The following OSBPL8 variants were observed in gnomAD, a reference collection of about 807,000 sequenced individuals.
OSBPL8 encodes oxysterol binding protein like 8, also known as oxysterol-binding protein-related protein 8.
A neutral mutation model predicts 125.5 loss-of-function variants in OSBPL8; 59 were observed. That is an observed-to-expected ratio of 0.47 (90% CI 0.38 to 0.58). The LOEUF (loss-of-function observed/expected upper bound fraction) is 0.58, where lower values mean the gene tolerates loss of function less well. Ranked by LOEUF, OSBPL8 falls within the 20% of genes least tolerant of loss-of-function variation. The pLI, the probability that OSBPL8 is intolerant of heterozygous loss-of-function variation, is 0.00. For synonymous variants in OSBPL8, 330 were observed against 338.9 expected, an observed-to-expected ratio of 0.97 and a Z score of 0.29; for missense variants, 758 against 1,047.8, an observed-to-expected ratio of 0.72 and a Z score of 3.82.
chr12:76,554,557 A>C (rs924625938), intron 1 of OSBPL8, among the ~76,000 whole-genome samples: 8 of 152,158 alleles, frequency 5.3e-5, no homozygotes, highest in Non-Finnish European at 4.4e-5. Flanking sequence ...AGGTTTAAAA[A>C]AAAGAAAATA....
intron 1 of OSBPL8, among the ~76,000 whole-genome samples, chr12:76,549,442 G>C (rs931357428): frequency 6.6e-6 from 1 of 152,082 alleles, no homozygotes; most frequent in Non-Finnish European, 1.5e-5. Flanking sequence ...CTTTTGAGAC[G>C]GAGTCTCACC....
intron 5 of OSBPL8, among the ~76,000 whole-genome samples, chr12:76,406,677 G>A (rs1954274856): frequency 6.6e-6 from 1 of 152,184 alleles, no homozygotes; most frequent in Non-Finnish European, 1.5e-5. Flanking sequence ...GTGCAGTGGT[G>A]TGATCACAGC....
At chr12:76,541,493 T>C (rs1169733166) in intron 1 of OSBPL8, among the ~76,000 whole-genome samples, 1 of 148,126 alleles carries the variant, frequency 6.8e-6, no homozygotes, top group Admixed American at 6.7e-5. Flanking sequence ...ATAATAATAA[T>C]AATAATTAAA....
intron 1 of OSBPL8, among the ~76,000 whole-genome samples, chr12:76,543,197 T>C (rs1290678961): frequency 6.6e-6 from 1 of 152,124 alleles, no homozygotes; most frequent in African/African-American, 2.4e-5. Flanking sequence ...GCCGCTTACA[T>C]AGTAACTTGC....
intron 1 of OSBPL8, among the ~76,000 whole-genome samples, chr12:76,532,573 T>C (rs536317488): frequency 2.6e-5 from 4 of 152,132 alleles, no homozygotes; most frequent in African/African-American, 9.7e-5. Flanking sequence ...ACTACGGCAG[T>C]ATTGGATTTT....
At chr12:76,427,613 A>G (rs1320719701) in intron 4 of OSBPL8, among the ~76,000 whole-genome samples, 1 of 152,066 alleles carries the variant, frequency 6.6e-6, no homozygotes, top group Non-Finnish European at 1.5e-5. Flanking sequence ...CTAAAAAGCT[A>G]AAGATGTATT....
chr12:76,389,371 A>G (rs907238734), intron 12 of OSBPL8, among the ~76,000 whole-genome samples: 3 of 152,168 alleles, frequency 2.0e-5, no homozygotes, highest in African/African-American at 7.2e-5. Context: ...AACTGAGGTT[A>G]AGGAGCCTAT....
intron 4 of OSBPL8, among the ~76,000 whole-genome samples, chr12:76,414,550 C>T (rs543899599): frequency 1.4e-5 from 2 of 147,666 alleles, no homozygotes; most frequent in East Asian, 4.1e-4. Flanking sequence ...CCTCCTGTAA[C>T]AGGCAATCCT....
intron 2 of OSBPL8, among the ~76,000 whole-genome samples, chr12:76,470,475 C>T (rs560739642): frequency 6.6e-6 from 1 of 152,246 alleles, no homozygotes; most frequent in East Asian, 1.9e-4. Context: ...CATCTTACGA[C>T]CTGTTTCACG....
intron 22 of OSBPL8, among the ~76,000 whole-genome samples, chr12:76,357,422 A>C (rs989354024): frequency 1.3e-5 from 2 of 152,172 alleles, no homozygotes; most frequent in African/African-American, 4.8e-5. Context: ...GAGCCAAAAA[A>C]TCTGCATATA....
chr12:76,405,447 A>G (rs1954217577), intron 5 of OSBPL8, among the ~76,000 whole-genome samples: 1 of 152,160 alleles, frequency 6.6e-6, no homozygotes, highest in Non-Finnish European at 1.5e-5. Flanking sequence ...TGATAAAGTG[A>G]GACCTTGCCT....
chr12:76,419,987 C>T (rs989083959), intron 4 of OSBPL8, among the ~76,000 whole-genome samples: 1 of 152,062 alleles, frequency 6.6e-6, no homozygotes, highest in African/African-American at 2.4e-5. Flanking sequence ...GGAATATTAT[C>T]GCTGAATAAA....
intron 1 of OSBPL8, among the ~76,000 whole-genome samples, chr12:76,512,114 T>C (rs1592823326): frequency 6.6e-6 from 1 of 152,222 alleles, no homozygotes; most frequent in African/African-American, 2.4e-5. Context: ...TCTGCTCCTC[T>C]ACCTCATATA....
chr12:76,384,367 A>G lies in OSBPL8; in HGVS notation c.1534-17T>C. 2 of 1,262,592 alleles carry G rather than the reference A, an allele frequency of 1.6e-6. No homozygotes were observed. Among genetic ancestry groups the G allele is most frequent in the Non-Finnish European group, 2.2e-6 (2 of 904,882 alleles). 78.2% of individuals were successfully genotyped at this position (1,262,592 alleles called of 1,614,324 possible). A position where few individuals can be genotyped will look rare whatever the true frequency, so the allele number is the denominator to read the frequency against. ...ATGGGACACCTATTAAACATAAGAA[A>G]AACATGCATATATAAAATATAAAAA... On this transcript the variant is annotated splice_polypyrimidine_tract_variant and intron_variant, in intron 14 of 23. Transcript: ENST00000261183.
At chr12:76,498,239 C>T (rs970465053) in intron 1 of OSBPL8, among the ~76,000 whole-genome samples, 1 of 152,138 alleles carries the variant, frequency 6.6e-6, no homozygotes, top group Non-Finnish European at 1.5e-5. Flanking sequence ...ACCCTGTCTA[C>T]GTATATAAAG....
intron 8 of OSBPL8, among the ~76,000 whole-genome samples, chr12:76,395,740 T>C (rs1953765575): frequency 1.3e-5 from 2 of 152,084 alleles, no homozygotes; most frequent in African/African-American, 4.8e-5. Flanking sequence ...ATTAAATAAA[T>C]GATTTCATGT....
At chr12:76,446,555 T>C (rs970752722) in intron 4 of OSBPL8, among the ~76,000 whole-genome samples, 14 of 152,298 alleles carry the variant, frequency 9.2e-5, no homozygotes, top group Admixed American at 3.3e-4. Context: ...TAGAGGGTTA[T>C]ATATGGGCCA....
chr12:76,557,611 T>TAAAA (rs35658174), intron 1 of OSBPL8, among the ~76,000 whole-genome samples: 1 of 136,390 alleles, frequency 7.3e-6, no homozygotes, highest in Non-Finnish European at 1.6e-5. Flanking sequence ...GAGACAGTCT[T>TAAAA]AAAAAAAAAA....
chr12:76,536,089 TG>T, intron 1 of OSBPL8, among the ~76,000 whole-genome samples: 1 of 151,912 alleles, frequency 6.6e-6, no homozygotes, highest in Non-Finnish European at 1.5e-5. Context: ...TAAGTGATAT[TG>T]GGGGGGTGTG....
Sources: allele counts gnomAD v4.1 joint callset (sites outside exome capture counted in the v4.1 genomes callset), GRCh38; gene constraint gnomAD v4.1.1; transcripts MANE v1.5; gene names NCBI Gene and HGNC (gene_info 2026-07-23, HGNC 2026-07-21).